DIPK1B: variants seen among roughly 807,000 people sequenced by gnomAD.
DIPK1B encodes divergent protein kinase domain 1B, also known as family with sequence similarity 69 member B.
A neutral mutation model predicts 20.7 loss-of-function variants in DIPK1B; 17 were observed. That is an observed-to-expected ratio of 0.82 (90% confidence interval 0.56 to 1.23). DIPK1B has a LOEUF of 1.23. Among genes scored for constraint, DIPK1B ranks in the 50% most tolerant of loss-of-function variants. The pLI is 0.00. For missense variants in DIPK1B, 648 were observed against 601.8 expected (o/e 1.08, Z -0.80); for synonymous variants, 343 against 276.5 (o/e 1.24, Z -2.39).
chr9:136,717,829 G>T lies in DIPK1B; in HGVS notation c.198+118G>T, dbSNP rs112779190. ...GACCCAGGGCCCACGAGGCACGTGG[G>T]TTTCTAGGTGGAATCTGCAAAGCTG... On this transcript the variant is annotated intron_variant, in intron 2 of 4. Coordinates refer to ENST00000371692, the MANE Select transcript of DIPK1B (RefSeq NM_152421.4). 682 of 1,474,244 alleles carry T rather than the reference G, an allele frequency of 4.6e-4. 5 individuals carry two copies. The African/African-American group carries it at 8.5e-3, about 18-fold the overall frequency. The allele number at this position is 1,474,244 out of a possible 1,614,324, so 91.3% of individuals were successfully genotyped here.
intron 2 of DIPK1B, among the ~76,000 whole-genome samples, chr9:136,718,134 A>ATG (rs1554757426): frequency 1.5e-4 from 4 of 27,168 alleles, no homozygotes; most frequent in South Asian, 1.0e-3. Flanking sequence ...TCACTGGTCC[A>ATG]GGATAGCGAC....
chr9:136,722,587 G>T, intron 4 of DIPK1B: 1 of 565,800 alleles, frequency 1.8e-6, no homozygotes, highest in Non-Finnish European at 3.1e-6. Flanking sequence ...CCCGAATGGA[G>T]ACCAGGGCTT....
chr9:136,723,759 C>G lies in DIPK1B; in HGVS notation c.1281C>G (p.Asn427Lys). The change falls in exon 5 of 5, where the codon AAC (asparagine) becomes AAG (lysine). Residue 427 changes from asparagine (N) to lysine (K), a missense_variant. Asn to Lys is a moderately conservative substitution (Grantham distance 94). Coordinates refer to ENST00000371692, the MANE Select transcript of DIPK1B (RefSeq NM_152421.4). ...LKTLLWKKIS[N>K]TKYS ...CTCTGCTCTGGAAGAAGATCTCCAA[C>G]ACCAAGTACTCTTGATGGGGCAGTG... 6.5e-7 allele frequency: 1 copy of G among 1,534,554 alleles called. No individual in the cohort carries two copies. Among genetic ancestry groups the G allele is most frequent in the Non-Finnish European group, 8.7e-7 (1 of 1,146,826 alleles).
At chr9:136,717,339 G>C (rs1030663221) in intron 1 of DIPK1B, among the ~76,000 whole-genome samples, 3 of 152,140 alleles carry the variant, frequency 2.0e-5, no homozygotes, top group African/African-American at 7.2e-5. Flanking sequence ...TCTGGGCAGC[G>C]CCTGCCCCCA....
Position 136,717,828 on chromosome 9 carries a change from G to C in DIPK1B, c.198+117G>C, listed in dbSNP as rs901201360. 3 of 1,483,244 alleles carry C rather than the reference G, an allele frequency of 2.0e-6. No individual in the cohort carries two copies. In the African/African-American group the frequency reaches 4.1e-5, roughly 21 times the overall value. 91.9% of individuals were successfully genotyped at this position (1,483,244 alleles called of 1,614,324 possible). ...AGACCCAGGGCCCACGAGGCACGTG[G>C]GTTTCTAGGTGGAATCTGCAAAGCT... On this transcript the variant is annotated intron_variant, in intron 2 of 4. Coordinates refer to ENST00000371692, the MANE Select transcript of DIPK1B (RefSeq NM_152421.4).
intron 1 of DIPK1B, among the ~76,000 whole-genome samples, chr9:136,715,402 G>A (rs1186779592): frequency 7.2e-5 from 11 of 152,218 alleles, no homozygotes; most frequent in African/African-American, 9.6e-5. Context: ...CAGGCCGGTA[G>A]GGAAACCAAG....
At chr9:136,716,054 G>A (rs1020354613) in intron 1 of DIPK1B, among the ~76,000 whole-genome samples, 1 of 152,042 alleles carries the variant, frequency 6.6e-6, no homozygotes, top group Non-Finnish European at 1.5e-5. Context: ...GGTCCTGCAG[G>A]ATTTGTGCTT....
At chr9:136,718,471 C>A (rs909501612) in intron 2 of DIPK1B, among the ~76,000 whole-genome samples, 1 of 152,166 alleles carries the variant, frequency 6.6e-6, no homozygotes, top group Non-Finnish European at 1.5e-5. Flanking sequence ...ACCAAGGTGA[C>A]CCCCTGCCCC....
chr9:136,723,644 T>C lies in DIPK1B; in HGVS notation c.1166T>C (p.Leu389Pro), dbSNP rs1846657033. ...GCGCCCGCCGACCTCCGCGAGGAGC[T>C]GGGCACACAGCTGCGCACCTGTACC... The part of the protein sequence containing the change: ...PGAPADLREE[L>P]GTQLRTCTTL... Residue 389 changes from leucine to proline, a missense_variant, in exon 5 of 5, where the codon CTG becomes CCG. Coordinates refer to ENST00000371692, the MANE Select transcript of DIPK1B (RefSeq NM_152421.4). 6.4e-7 allele frequency: 1 copy of C among 1,568,242 alleles called. No individual in the cohort carries two copies. The highest frequency in any genetic ancestry group is 8.6e-7 in the Non-Finnish European group (1 of 1,159,166).
rs775386866 is a variant in DIPK1B at position 136,723,134 on chromosome 9, CCA to C, written c.657_658del (p.Arg220ThrfsTer77). ...TCCCTGCAGGAGAAGGAGCACGCCT[CCA>C]GACTGCTGGGCTACTGTGGGGACCT... On this transcript the variant is annotated frameshift_variant, in exon 5 of 5. Transcript: ENST00000371692. LOFTEE classifies it low-confidence loss of function (END_TRUNC). The C allele has an allele frequency of 1.2e-6, 2 of 1,613,562 alleles. No individual in the cohort carries two copies. Among genetic ancestry groups the C allele is most frequent in the South Asian group, 1.1e-5 (1 of 91,088 alleles).
chr9:136,719,529 G>A (rs1425719872), intron 2 of DIPK1B, among the ~76,000 whole-genome samples: 1 of 152,226 alleles, frequency 6.6e-6, no homozygotes, highest in African/African-American at 2.4e-5. Flanking sequence ...GGGCCCTCGC[G>A]AGGCCAAGAA....
At position 136,723,493 on chromosome 9, in the gene DIPK1B, G is replaced by T; in HGVS notation, c.1015G>T (p.Asp339Tyr). The T allele has an allele frequency of 1.2e-6, 2 of 1,609,200 alleles. No homozygotes were observed. Among genetic ancestry groups the T allele is most frequent in the Non-Finnish European group, 8.5e-7 (1 of 1,178,086 alleles). Reference protein sequence around the residue: ...LQGRRCEHSTDCTYGRDCRAP... With the variant: ...LQGRRCEHSTYCTYGRDCRAP... ...GGGCCGCCGCTGCGAGCACAGCACC[G>T]ACTGCACCTACGGGCGCGACTGCAG... The change falls in exon 5 of 5, where the codon GAC (aspartate) becomes TAC (tyrosine). Residue 339 changes from aspartate to tyrosine, a missense_variant. Physicochemically the swap from Asp to Tyr is radical, Grantham distance 160. Coordinates refer to ENST00000371692, the MANE Select transcript of DIPK1B (RefSeq NM_152421.4).
Position 136,723,397 on chromosome 9 carries a change from G to T in DIPK1B, c.919G>T (p.Ala307Ser), listed in dbSNP as rs202163447. The T allele has an allele frequency of 6.9e-5, 111 of 1,613,128 alleles. No individual in the cohort carries two copies. The highest frequency in any genetic ancestry group is 8.9e-5 in the Non-Finnish European group (105 of 1,179,760). The change falls in exon 5 of 5, where the codon GCC becomes TCC. Residue 307 changes from alanine to serine, a missense_variant. By Grantham distance (99) the Ala-to-Ser change is moderately conservative. Transcript: ENST00000371692. ...ETTLANVGYT[A>S]TYDFKMADLQ... The stretch of plus-strand genomic sequence containing the variant: ...CACACTGGCCAACGTGGGCTACACA[G>T]CCACCTACGACTTCAAGATGGCCGA...
Position 136,722,689 on chromosome 9 carries a change from G to A in DIPK1B, c.484-273G>A, listed in dbSNP as rs779463474. The A allele has an allele frequency of 1.1e-3, 655 of 579,820 alleles. 2 individuals are homozygous for A. Among genetic ancestry groups the A allele is most frequent in the Non-Finnish European group, 1.8e-3 (586 of 327,728 alleles). 35.9% of individuals were successfully genotyped at this position (579,820 alleles called of 1,614,324 possible). ...CTCAGGGAAGCTCTGAGGCTTCTCT[G>A]CCCAGGTGCCCACCCCCGAGCTCCC... On this transcript the variant is annotated intron_variant, in intron 4 of 4. Coordinates refer to ENST00000371692, the MANE Select transcript of DIPK1B (RefSeq NM_152421.4).
At chr9:136,715,837 A>G (rs1223568737) in intron 1 of DIPK1B, among the ~76,000 whole-genome samples, 1 of 152,096 alleles carries the variant, frequency 6.6e-6, no homozygotes, top group Non-Finnish European at 1.5e-5. Flanking sequence ...GCGGTAAGAT[A>G]CACATGGCAT....
chr9:136,721,458 G>A (rs1200270346), intron 2 of DIPK1B: 2 of 165,908 alleles, frequency 1.2e-5, no homozygotes, highest in Admixed American at 6.0e-5. Context: ...CAGGAATGAA[G>A]AGTCAGGCAG....
In DIPK1B at chr9:136,723,598, C is replaced by T. The variant is rs370101799; in HGVS notation, c.1120C>T (p.Arg374Trp). The T allele has an allele frequency of 4.8e-5, 76 of 1,592,114 alleles. No homozygotes were observed. The highest frequency in any genetic ancestry group is 6.9e-5 in the East Asian group (3 of 43,736). ...CCTGGCCAAGGTGTGCGCACTGCTA[C>T]GGGGCTACCTGCTGCCTGGCGCGCC... The part of the protein sequence containing the change: ...PNLAKVCALL[R>W]GYLLPGAPAD... Residue 374 changes from arginine (R) to tryptophan (W), a missense_variant, in exon 5 of 5, where the codon CGG (arginine) becomes TGG (tryptophan). Arg to Trp is a moderately radical substitution (Grantham distance 101). Transcript: ENST00000371692.
At chr9:136,717,818 G>A (rs949105989) in intron 2 of DIPK1B, 107 bp downstream of exon 2, 20 of 1,521,806 alleles carry the variant, frequency 1.3e-5, no homozygotes, top group Admixed American at 3.8e-5. Context: ...CAGGGCCCAC[G>A]AGGCACGTGG....
rs1051084941 is a variant in DIPK1B at position 136,715,076 on chromosome 9, G to A, written c.63+2348G>A. On this transcript the variant is annotated intron_variant, in intron 1 of 4. Coordinates refer to ENST00000371692, the MANE Select transcript of DIPK1B (RefSeq NM_152421.4). ...GGTGGGGGTGTGGCCAGGCGCTGCC[G>A]GGAGGAGGATGTGCCCAGGGCAGCC... 5.3e-5 allele frequency among the ~76,000 whole-genome samples: 8 copies of A among 152,220 alleles called. 1 individual carries two copies. The highest frequency in any genetic ancestry group is 7.2e-5 in the African/African-American group (3 of 41,466).
Sources: gnomAD v4.1 joint callset for allele counts (sites outside exome capture counted in the v4.1 genomes callset) on GRCh38, gnomAD v4.1.1 for gene constraint, MANE v1.5 for transcripts, NCBI Gene and HGNC (gene_info 2026-07-23, HGNC 2026-07-21) for gene names.